HIPK2: variants seen among roughly 807,000 people sequenced by gnomAD.
The protein encoded by HIPK2 is homeodomain-interacting protein kinase 2.
A neutral mutation model predicts 113.7 loss-of-function variants in HIPK2; 27 were observed. That is an observed-to-expected ratio of 0.24 (90% CI 0.17 to 0.33). The LOEUF is 0.33. Among genes scored for constraint, HIPK2 ranks in the 10% least tolerant of loss-of-function variants. The pLI, the probability that HIPK2 is intolerant of heterozygous loss-of-function variation, is 1.00. For missense variants in HIPK2, 1,257 were observed against 1,588.0 expected, an observed-to-expected ratio of 0.79 and a Z score of 3.54; for synonymous variants, 631 against 642.2, an observed-to-expected ratio of 0.98 and a Z score of 0.26.
rs1326087308 is a variant in HIPK2, at chr7:139,714,503, G to A, written c.1103+1429C>T. Among the ~76,000 whole-genome samples, 8 of 152,158 alleles carry A rather than the reference G, an allele frequency of 5.3e-5. No individual in the cohort carries two copies. In the East Asian group the frequency reaches 1.2e-3, roughly 22 times the overall value. ...TGGGGGCCCGGACAGGGAGCAAGAA[G>A]GGGAAGCTGGCCCAGGTCAGCCCCA... On this transcript the variant is annotated intron_variant, in intron 2 of 14. Transcript: ENST00000406875. The surrounding 1 kb of genome is among the most constrained non-coding windows in gnomAD (Gnocchi z 4.2).
rs908006693 is a variant in HIPK2 at position 139,561,847 on chromosome 7, T to C, written c.*11080A>G. ...TTTTCTGTTAAAATCATCTCATAAA[T>C]TTACAATGCTATTATTAGTTTCCAA... is the stretch of plus-strand genomic sequence containing the variant. On this transcript the variant is annotated 3_prime_UTR_variant, in exon 15 of 15. Coordinates refer to ENST00000406875, the MANE Select transcript of HIPK2 (RefSeq NM_022740.5). 5.9e-5 allele frequency: 9 copies of C among 151,844 alleles called. No individual in the cohort carries two copies. Among genetic ancestry groups the C allele is most frequent in the Non-Finnish European group, 8.8e-5 (6 of 67,994 alleles). The allele number at this position is 151,844 out of a possible 1,614,324, so 9.4% of individuals were successfully genotyped here.
rs35368461 is a variant in HIPK2 at position 139,650,349 on chromosome 7, C to CAA, written c.1104-18626_1104-18625dup. Among the ~76,000 whole-genome samples the CAA allele has an allele frequency of 5.2e-3, 517 of 100,162 alleles. 3 individuals are homozygous for CAA. Among genetic ancestry groups the CAA allele is most frequent in the African/African-American group, 0.017 (405 of 24,010 alleles). The allele number at this position is 100,162 out of a possible 152,430, so 65.7% of individuals were successfully genotyped here. A position where few individuals can be genotyped will look rare whatever the true frequency, so the allele number is the denominator to read the frequency against. ...TGGGCGACAGAGCAAGACTCCATCT[C>CAA]AAAAAAAAAAAAAAAAAAAAGGATA... On this transcript the variant is annotated intron_variant, in intron 2 of 14. Coordinates refer to ENST00000406875, the MANE Select transcript of HIPK2 (RefSeq NM_022740.5).
Position 139,565,569 on chromosome 7 carries a change from G to A in HIPK2, c.*7358C>T, listed in dbSNP as rs1026789640. The A allele has an allele frequency of 2.6e-5, 4 of 152,178 alleles. No homozygotes were observed. The highest frequency in any genetic ancestry group is 5.9e-5 in the Non-Finnish European group (4 of 68,036). The allele number at this position is 152,178 out of a possible 1,614,324, so 9.4% of individuals were successfully genotyped here. ...CTGTTAATCTCATACCAGGGCAAGA[G>A]ACACGCCTTCCTTTTATCATGAAAG... On this transcript the variant is annotated 3_prime_UTR_variant, in exon 15 of 15. Transcript: ENST00000406875.
At chr7:139,685,338 T>C (rs569828970) in intron 2 of HIPK2, among the ~76,000 whole-genome samples, 1 of 152,162 alleles carries the variant, frequency 6.6e-6, no homozygotes, top group South Asian at 2.1e-4. Flanking sequence ...AGCCAGCTAA[T>C]TTTTTGTACA....
chr7:139,655,660 G>T (rs1801641334), intron 2 of HIPK2, among the ~76,000 whole-genome samples: 1 of 152,100 alleles, frequency 6.6e-6, no homozygotes, highest in South Asian at 2.1e-4. Flanking sequence ...AAGTGGAGGG[G>T]TCTACACACC....
intron 2 of HIPK2, among the ~76,000 whole-genome samples, chr7:139,700,050 T>C (rs1794664964): frequency 6.6e-6 from 1 of 152,130 alleles, no homozygotes; most frequent in African/African-American, 2.4e-5. Context: ...TAACCAAGCA[T>C]GAGGTTCCCA....
intron 2 of HIPK2, among the ~76,000 whole-genome samples, chr7:139,682,429 G>A (rs369913989): frequency 6.6e-6 from 1 of 152,186 alleles, no homozygotes; most frequent in African/African-American, 2.4e-5. Flanking sequence ...GGGCTCTGTT[G>A]AGGCACCTAG....
At chr7:139,573,441 T>C in intron 14 of HIPK2, 44 bp from the exon 15 acceptor site, 1 of 1,573,190 alleles carries the variant, frequency 6.4e-7, no homozygotes, top group Non-Finnish European at 8.6e-7. Flanking sequence ...GGCCGACACA[T>C]GGGGAGGAAG....
chr7:139,668,840 T>G (rs1802155171), intron 2 of HIPK2, among the ~76,000 whole-genome samples: 1 of 152,202 alleles, frequency 6.6e-6, no homozygotes, highest in Non-Finnish European at 1.5e-5. Context: ...TGAATCCAAA[T>G]GGTTAAAAAT....
intron 5 of HIPK2, among the ~76,000 whole-genome samples, chr7:139,627,729 T>C (rs1028700626): frequency 1.3e-5 from 2 of 152,330 alleles, no homozygotes; most frequent in East Asian, 1.9e-4. Context: ...TATAGCTTTG[T>C]TTCTCATTGC....
chr7:139,583,772 C>T (rs1350279975), intron 13 of HIPK2, 45 bp downstream of exon 13: 6 of 1,584,382 alleles, frequency 3.8e-6, no homozygotes, highest in Non-Finnish European at 5.2e-6. Context: ...GCAGGAAAAC[C>T]ACTCTCCAGG....
At chr7:139,754,040 G>A (rs997482522) in intron 1 of HIPK2, among the ~76,000 whole-genome samples, 2 of 152,244 alleles carry the variant, frequency 1.3e-5, no homozygotes, top group African/African-American at 2.4e-5. Flanking sequence ...GCTGGAGCCA[G>A]TGCACAACAC....
chr7:139,711,722 A>C (rs749655672), intron 2 of HIPK2, among the ~76,000 whole-genome samples: 5 of 152,068 alleles, frequency 3.3e-5, no homozygotes, highest in Non-Finnish European at 5.9e-5. Flanking sequence ...GAAATACCCC[A>C]GTACCAATTT....
intron 13 of HIPK2, among the ~76,000 whole-genome samples, chr7:139,580,222 G>A (rs1329988464): frequency 6.6e-6 from 1 of 152,088 alleles, no homozygotes; most frequent in Non-Finnish European, 1.5e-5. Flanking sequence ...CAACTTCCTG[G>A]GCATTTTGTG....
intron 2 of HIPK2, among the ~76,000 whole-genome samples, chr7:139,673,817 C>A (rs1484377257): frequency 1.4e-5 from 2 of 142,142 alleles, no homozygotes; most frequent in Admixed American, 7.5e-5. Flanking sequence ...GGAGGGTGAG[C>A]CAGGTGGATC....
chr7:139,650,705 T>C (rs920571247), intron 2 of HIPK2, among the ~76,000 whole-genome samples: 12 of 152,234 alleles, frequency 7.9e-5, no homozygotes, highest in African/African-American at 2.4e-4. Context: ...GTAAAAGGCA[T>C]GTGGCTTCTG....
Position 139,564,006 on chromosome 7 carries a change from A to AAAT in HIPK2, c.*8918_*8920dup. On this transcript the variant is annotated 3_prime_UTR_variant, in exon 15 of 15. Transcript: ENST00000406875. Reference sequence around the variant, plus strand: ...CTGTCTCGAAGCATCTTCTTGTTCCAAATATGATGTCTGTTTAGAGTGGGT... The same window carrying AAAT: ...CTGTCTCGAAGCATCTTCTTGTTCCAAATAATATGATGTCTGTTTAGAGTGGGT... 2.5e-6 allele frequency: 1 copy of AAAT among 398,520 alleles called. No individual in the cohort carries two copies. The highest frequency in any genetic ancestry group is 4.4e-6 in the Non-Finnish European group (1 of 226,028). 24.7% of individuals were successfully genotyped at this position (398,520 alleles called of 1,614,324 possible). A position where few individuals can be genotyped will look rare whatever the true frequency, so the allele number is the denominator to read the frequency against.
At chr7:139,608,016 A>G (rs1160795176) in intron 9 of HIPK2, among the ~76,000 whole-genome samples, 1 of 152,142 alleles carries the variant, frequency 6.6e-6, no homozygotes, top group Admixed American at 6.5e-5. Context: ...AGGCGGGTGG[A>G]TCACTTGATG....
intron 12 of HIPK2, among the ~76,000 whole-genome samples, chr7:139,588,780 A>C (rs1798922217): frequency 6.6e-6 from 1 of 152,040 alleles, no homozygotes; most frequent in African/African-American, 2.4e-5. Context: ...AGTAAAGGGA[A>C]ACAACTGGTC....
Sources: gnomAD v4.1 joint callset for allele counts (sites outside exome capture counted in the v4.1 genomes callset) on GRCh38, gnomAD v4.1.1 for gene constraint, Gnocchi (gnomAD v3.1) non-coding constraint, MANE v1.5 for transcripts, NCBI Gene and HGNC (gene_info 2026-07-23, HGNC 2026-07-21) for gene names.